Variants in RWDD1 observed in about 807,000 individuals in gnomAD.
The protein encoded by RWDD1 is RWD domain-containing protein 1.
RWDD1 carries 17 observed loss-of-function variants against 31.6 expected under a neutral mutation model. That is an observed-to-expected ratio of 0.54 (90% confidence interval 0.37 to 0.81). The LOEUF (loss-of-function observed/expected upper bound fraction) is 0.81, where lower values mean the gene tolerates loss of function less well. Among genes scored for constraint, RWDD1 ranks in the 30% least tolerant of loss-of-function variants. RWDD1 has a pLI of 0.00. For synonymous variants in RWDD1, 78 were observed against 94.2 expected (o/e 0.83, Z 0.99); for missense variants, 204 against 274.5 (o/e 0.74, Z 1.82).
Position 116,580,201 on chromosome 6 carries a change from C to T in RWDD1, c.74-94C>T, listed in dbSNP as rs560807393. 1,807 of 702,284 alleles carry T rather than the reference C, an allele frequency of 2.6e-3. 51 individuals carry two copies. In the South Asian group the frequency reaches 0.038, roughly 15 times the overall value. The allele number at this position is 702,284 out of a possible 1,614,324, so 43.5% of individuals were successfully genotyped here. On this transcript the variant is annotated intron_variant, in intron 1 of 6. Coordinates refer to ENST00000466444, the MANE Select transcript of RWDD1 (RefSeq NM_015952.4). ...GGAAATGGAAATATAGCCTAGGGAC[C>T]AGTTTCTAGGACTGGGTACTGATAA...
At chr6:116,580,483 A>G in intron 2 of RWDD1, 123 bp downstream of exon 2, 1 of 519,584 alleles carries the variant, frequency 1.9e-6, no homozygotes, top group South Asian at 3.3e-5. Flanking sequence ...ATCTGCTATG[A>G]ATGTTGTATA....
rs1775198379 is a variant in RWDD1, at chr6:116,593,980, T to C, written c.*879T>C. The C allele has an allele frequency of 6.9e-6, 1 of 145,896 alleles. No homozygotes were observed. Among genetic ancestry groups the C allele is most frequent in the Non-Finnish European group, 1.5e-5 (1 of 67,496 alleles). The allele number at this position is 145,896 out of a possible 1,614,324, so 9.0% of individuals were successfully genotyped here. A position where few individuals can be genotyped will look rare whatever the true frequency, so the allele number is the denominator to read the frequency against. On this transcript the variant is annotated 3_prime_UTR_variant, in exon 7 of 7. Transcript: ENST00000466444. The stretch of plus-strand genomic sequence containing the variant: ...AAAAGGTTTATTTGGCTCATAATTC[T>C]GGATGACCAGAAAGTTGAAGATTGG...
chr6:116,580,689 T>C (rs1433443897), intron 2 of RWDD1, among the ~76,000 whole-genome samples: 1 of 152,146 alleles, frequency 6.6e-6, no homozygotes, highest in African/African-American at 2.4e-5. Flanking sequence ...TCAGTGGTTG[T>C]GTGGTTCCTT....
rs1205097314 is a variant in RWDD1 at position 116,594,116 on chromosome 6, CTTT to C, written c.*1028_*1030del. 5 of 137,040 alleles carry C rather than the reference CTTT, an allele frequency of 3.6e-5. No homozygotes were observed. The highest frequency in any genetic ancestry group is 7.4e-5 in the Admixed American group (1 of 13,516). The allele number at this position is 137,040 out of a possible 1,614,324, so 8.5% of individuals were successfully genotyped here. A position where few individuals can be genotyped will look rare whatever the true frequency, so the allele number is the denominator to read the frequency against. ...AGAGAGTGAGGGTGGAAGTGCCAGG[CTTT>C]TTTTTTTTTTTTAAACTAGCTTTGG... On this transcript the variant is annotated 3_prime_UTR_variant, in exon 7 of 7. Coordinates refer to ENST00000466444, the MANE Select transcript of RWDD1 (RefSeq NM_015952.4).
At chr6:116,576,572 G>C (rs1382367374) in intron 1 of RWDD1, among the ~76,000 whole-genome samples, 1 of 152,158 alleles carries the variant, frequency 6.6e-6, no homozygotes, top group Non-Finnish European at 1.5e-5. Context: ...AGGTCCGGTA[G>C]TTCACTGATA....
chr6:116,575,747 A>T (rs1774828293), intron 1 of RWDD1, among the ~76,000 whole-genome samples: 1 of 152,208 alleles, frequency 6.6e-6, no homozygotes, highest in Non-Finnish European at 1.5e-5. Context: ...TTCCTCAGGG[A>T]CACATCTTCT....
At chr6:116,572,381 G>A (rs1774754932) in intron 1 of RWDD1, 1 of 152,260 alleles carries the variant, frequency 6.6e-6, no homozygotes, top group South Asian at 2.1e-4. Context: ...CTGGTACTGA[G>A]TTATACGTCC....
At chr6:116,581,881 T>G (rs1774953239) in intron 2 of RWDD1, among the ~76,000 whole-genome samples, 1 of 151,972 alleles carries the variant, frequency 6.6e-6, no homozygotes, top group Non-Finnish European at 1.5e-5. Context: ...AAATAATACA[T>G]GCAAGGATGT....
chr6:116,590,546 A>T, intron 5 of RWDD1, 142 bp downstream of exon 5: 1 of 1,071,486 alleles, frequency 9.3e-7, no homozygotes, highest in South Asian at 2.0e-5. Context: ...TATCTACCAG[A>T]TGATGTTTCT....
At chr6:116,584,299 G>A (rs1442877411) in intron 2 of RWDD1, among the ~76,000 whole-genome samples, 2 of 152,212 alleles carry the variant, frequency 1.3e-5, no homozygotes, top group African/African-American at 4.8e-5. Flanking sequence ...GACATTGTGT[G>A]GATTCAAATA....
chr6:116,588,922 G>T lies in RWDD1; in HGVS notation c.351G>T (p.Gln117His). The change falls in exon 4 of 7, where the codon CAG becomes CAT. Residue 117 changes from glutamine to histidine, a missense_variant. By Grantham distance (24) the Gln-to-His change is conservative. Coordinates refer to ENST00000466444, the MANE Select transcript of RWDD1 (RefSeq NM_015952.4). ...AAAAATTAAATGAAATAGTAGATCA[G>T]ATAAAAACTAGAAGAGAAGAAGAAA... ...VQEKLNEIVD[Q>H]IKTRREEEKK... 1 of 1,477,012 alleles carries T rather than the reference G, an allele frequency of 6.8e-7. No individual in the cohort carries two copies. The allele number at this position is 1,477,012 out of a possible 1,614,324, so 91.5% of individuals were successfully genotyped here.
At position 116,595,743 on chromosome 6, in the gene RWDD1, G is replaced by A. The variant is rs1444143741; in HGVS notation, c.*2642G>A. 6.6e-6 allele frequency: 1 copy of A among 152,156 alleles called. No homozygotes were observed. Among genetic ancestry groups the A allele is most frequent in the Non-Finnish European group, 1.5e-5 (1 of 68,022 alleles). The allele number at this position is 152,156 out of a possible 1,614,324, so 9.4% of individuals were successfully genotyped here. A position where few individuals can be genotyped will look rare whatever the true frequency, so the allele number is the denominator to read the frequency against. ...TAATTCTAATGTATTTTAAAGTAAA[G>A]CATGAGAGTTCAAAGAAATGTTGTA... On this transcript the variant is annotated 3_prime_UTR_variant, in exon 7 of 7. Transcript: ENST00000466444.
chr6:116,591,339 CAAT>C (rs1368951441), intron 6 of RWDD1, among the ~76,000 whole-genome samples: 4 of 152,272 alleles, frequency 2.6e-5, no homozygotes, highest in African/African-American at 4.8e-5. Context: ...TAGAAGTAGA[CAAT>C]GATGATCACA....
intron 1 of RWDD1, among the ~76,000 whole-genome samples, chr6:116,573,235 C>A (rs1391698242): frequency 6.6e-6 from 1 of 152,124 alleles, no homozygotes; most frequent in South Asian, 2.1e-4. Flanking sequence ...AAACTGATAT[C>A]TTTTTTTGTT....
At chr6:116,591,325 A>G (rs1371195930) in intron 6 of RWDD1, among the ~76,000 whole-genome samples, 1 of 152,200 alleles carries the variant, frequency 6.6e-6, no homozygotes, top group Non-Finnish European at 1.5e-5. Flanking sequence ...AGCAATATCA[A>G]AGATAGAAGT....
chr6:116,588,968 G>A lies in RWDD1; in HGVS notation c.397G>A (p.Ala133Thr). ...EEEKKQKEKE[A>T]EEAEKQLFHG... Reference sequence around the variant, plus strand: ...AGAAAAGAAACAAAAAGAAAAAGAAGCAGAAGAAGCTGAAAAGGTATATTT... The same window carrying A: ...AGAAAAGAAACAAAAAGAAAAAGAAACAGAAGAAGCTGAAAAGGTATATTT... The change falls in exon 4 of 7, where the codon GCA becomes ACA. Residue 133 changes from alanine (A) to threonine (T), a missense_variant. By Grantham distance (58) the Ala-to-Thr change is moderately conservative. Coordinates refer to ENST00000466444, the MANE Select transcript of RWDD1 (RefSeq NM_015952.4). The A allele has an allele frequency of 2.8e-6, 4 of 1,408,434 alleles. No individual in the cohort carries two copies. The highest frequency in any genetic ancestry group is 1.7e-5 in the South Asian group (1 of 59,676). The allele number at this position is 1,408,434 out of a possible 1,614,324, so 87.2% of individuals were successfully genotyped here.
At chr6:116,577,871 G>C (rs1774878490) in intron 1 of RWDD1, among the ~76,000 whole-genome samples, 1 of 152,076 alleles carries the variant, frequency 6.6e-6, no homozygotes, top group Admixed American at 6.5e-5. Flanking sequence ...TTTTCACCTA[G>C]TTTTCTTCGC....
intron 1 of RWDD1, among the ~76,000 whole-genome samples, chr6:116,578,742 C>CA (rs1397465193): frequency 6.6e-6 from 1 of 152,180 alleles, no homozygotes; most frequent in African/African-American, 2.4e-5. Flanking sequence ...CTGGACTACC[C>CA]AAAACCTATT....
chr6:116,591,104 A>G (rs1041344818), intron 6 of RWDD1, among the ~76,000 whole-genome samples, 154 bp downstream of exon 6: 1 of 152,052 alleles, frequency 6.6e-6, no homozygotes, highest in Non-Finnish European at 1.5e-5. Context: ...CTATTAAAAA[A>G]AAAAAAAAGA....
Sources: allele counts gnomAD v4.1 joint callset (sites outside exome capture counted in the v4.1 genomes callset), GRCh38; gene constraint gnomAD v4.1.1; transcripts MANE v1.5; gene names NCBI Gene and HGNC (gene_info 2026-07-23, HGNC 2026-07-21).